LIPC: variants seen among roughly 807,000 people sequenced by gnomAD.
LIPC encodes lipase C, hepatic type.
A neutral mutation model predicts 50.7 loss-of-function variants in LIPC; 44 were observed. The observed-to-expected ratio is 0.87, with a 90% CI of 0.68 to 1.11. LIPC has a LOEUF of 1.11. Among genes scored for constraint, LIPC ranks in the 50% most tolerant of loss-of-function variants. LIPC has a pLI of 0.00. For synonymous variants in LIPC, 271 were observed against 256.4 expected, an observed-to-expected ratio of 1.06 and a Z score of -0.54; for missense variants, 697 against 648.2, an observed-to-expected ratio of 1.08 and a Z score of -0.82.
At chr15:58,535,912 G>A (rs1893101667) in intron 1 of LIPC, among the ~76,000 whole-genome samples, 1 of 152,220 alleles carries the variant, frequency 6.6e-6, no homozygotes, top group African/African-American at 2.4e-5. Context: ...TAGGTCCAAT[G>A]TATAAATGGC....
At chr15:58,534,618 T>G (rs1224813168) in intron 1 of LIPC, among the ~76,000 whole-genome samples, 1 of 152,152 alleles carries the variant, frequency 6.6e-6, no homozygotes, top group Non-Finnish European at 1.5e-5. Flanking sequence ...GTAACCTCCT[T>G]TTTCAATAAC....
chr15:58,518,813 G>GT (rs568973136), intron 1 of LIPC, among the ~76,000 whole-genome samples: 103 of 152,156 alleles, frequency 6.8e-4, no homozygotes, highest in Admixed American at 1.8e-3. Context: ...TGCTGGTGGT[G>GT]TTGCCTGGAG....
chr15:58,552,245 A>G (rs1386445668), intron 6 of LIPC, among the ~76,000 whole-genome samples: 1 of 152,170 alleles, frequency 6.6e-6, no homozygotes, highest in African/African-American at 2.4e-5. Flanking sequence ...CTCATTTCCC[A>G]TTTGATCCTC....
chr15:58,503,416 G>C (rs565137408), intron 1 of LIPC, among the ~76,000 whole-genome samples: 1 of 152,230 alleles, frequency 6.6e-6, no homozygotes, highest in Non-Finnish European at 1.5e-5. Flanking sequence ...AAGGCTTTAG[G>C]GGCAGCGCCA....
intron 1 of LIPC, among the ~76,000 whole-genome samples, chr15:58,531,236 CA>C (rs1349440303): frequency 6.6e-6 from 1 of 152,148 alleles, no homozygotes; most frequent in Non-Finnish European, 1.5e-5. Flanking sequence ...ATGTTAAGCA[CA>C]TTTTCTTGTA....
chr15:58,506,452 C>G (rs146403484), intron 1 of LIPC, among the ~76,000 whole-genome samples: 20 of 152,312 alleles, frequency 1.3e-4, no homozygotes, highest in Admixed American at 1.2e-3. Flanking sequence ...AGGAGAGAGG[C>G]CTTTGACCAG....
In LIPC at chr15:58,560,840, TTCTCTCTCTG is replaced by T; in HGVS notation, c.1052-14_1052-5del. On this transcript the variant is annotated splice_polypyrimidine_tract_variant and intron_variant, in intron 6 of 8. Coordinates refer to ENST00000299022, the MANE Select transcript of LIPC (RefSeq NM_000236.3). The stretch of plus-strand genomic sequence containing the variant: ...ATCACTGCTTAAATTATCTCTCTCT[TTCTCTCTCTG>T]TCTCTCTCTCTAGTTTATCATTACC... The T allele has an allele frequency of 3.3e-6, 3 of 907,696 alleles. No individual in the cohort carries two copies. The highest frequency in any genetic ancestry group is 5.6e-6 in the Non-Finnish European group (3 of 534,946). The allele number at this position is 907,696 out of a possible 1,614,324, so 56.2% of individuals were successfully genotyped here.
intron 1 of LIPC, among the ~76,000 whole-genome samples, chr15:58,465,923 G>A (rs1894546806): frequency 6.6e-6 from 1 of 152,152 alleles, no homozygotes; most frequent in African/African-American, 2.4e-5. Context: ...ACAGGGCAGA[G>A]GAATTAGATC....
chr15:58,498,206 A>G (rs1274552698), intron 1 of LIPC, among the ~76,000 whole-genome samples: 2 of 152,156 alleles, frequency 1.3e-5, no homozygotes, highest in Non-Finnish European at 2.9e-5. Flanking sequence ...AAAAGCCAAT[A>G]GTCTCCCCTA....
intron 1 of LIPC, among the ~76,000 whole-genome samples, chr15:58,515,504 T>C (rs942279340): frequency 3.4e-5 from 5 of 146,184 alleles, no homozygotes; most frequent in Non-Finnish European, 7.4e-5. Flanking sequence ...ATTAGTGTGA[T>C]ATAAAAGAGG....
chr15:58,561,563 C>T (rs1293633338), intron 7 of LIPC, among the ~76,000 whole-genome samples: 3 of 152,196 alleles, frequency 2.0e-5, no homozygotes, highest in African/African-American at 7.2e-5. Flanking sequence ...TTAGTTCATT[C>T]TCTCCCAGAT....
intron 1 of LIPC, chr15:58,436,477 T>C (rs1893301006): frequency 1.5e-5 from 4 of 262,322 alleles, no homozygotes; most frequent in Non-Finnish European, 2.3e-5. Flanking sequence ...ATCTTAAAGT[T>C]AAAATGTATT....
intron 1 of LIPC, among the ~76,000 whole-genome samples, chr15:58,499,652 T>C (rs1315573578): frequency 1.3e-5 from 2 of 152,118 alleles, no homozygotes; most frequent in African/African-American, 2.4e-5. Context: ...TAGGAACTGG[T>C]CCCTGTGTCT....
At chr15:58,446,951 C>T (rs1307798233) in intron 1 of LIPC, among the ~76,000 whole-genome samples, 1 of 151,916 alleles carries the variant, frequency 6.6e-6, no homozygotes, top group Non-Finnish European at 1.5e-5. Context: ...AGTTGGAGAC[C>T]AGCCTGGCCA....
At chr15:58,527,660 C>T (rs1159510868) in intron 1 of LIPC, among the ~76,000 whole-genome samples, 1 of 152,212 alleles carries the variant, frequency 6.6e-6, no homozygotes, top group East Asian at 1.9e-4. Context: ...TATTTACTTG[C>T]CTCTACCATA....
chr15:58,542,531 C>T lies in LIPC; in HGVS notation c.457-3C>T. On this transcript the variant is annotated splice_polypyrimidine_tract_variant and splice_region_variant and intron_variant, in intron 3 of 8. Transcript: ENST00000299022. ...CTGCCCCCATCCCGCTGCTGTCTTC[C>T]AGGAATCTGTGCAACTCTCTCGAAG... 6.3e-7 allele frequency: 1 copy of T among 1,597,474 alleles called. No homozygotes were observed. Among genetic ancestry groups the T allele is most frequent in the Non-Finnish European group, 8.6e-7 (1 of 1,164,844 alleles).
chr15:58,481,778 A>G (rs1182288808), intron 1 of LIPC, among the ~76,000 whole-genome samples: 1 of 152,250 alleles, frequency 6.6e-6, no homozygotes, highest in Admixed American at 6.5e-5. Flanking sequence ...CAGCCTGGCC[A>G]GCAGAGCGAG....
At chr15:58,562,218 C>A (rs8030893) in intron 7 of LIPC, among the ~76,000 whole-genome samples, 3 of 151,922 alleles carry the variant, frequency 2.0e-5, no homozygotes, top group African/African-American at 7.3e-5. Context: ...CGAACCCTCA[C>A]GTCCCTCCTC....
rs777496353 is a variant in LIPC at position 58,548,479 on chromosome 15, C to T, written c.958C>T (p.Arg320Cys). 17 of 1,610,822 alleles carry T rather than the reference C, an allele frequency of 1.1e-5. No homozygotes were observed. Among genetic ancestry groups the T allele is most frequent in the East Asian group, 8.9e-5 (4 of 44,860 alleles). Residue 320 changes from arginine to cysteine, a missense_variant, in exon 6 of 9, where the codon CGC becomes TGC. Arg to Cys is a radical substitution (Grantham distance 180). Coordinates refer to ENST00000299022, the MANE Select transcript of LIPC (RefSeq NM_000236.3). Reference protein sequence around the residue: ...QGLCLSCKKGRCNTLGYHVRQ... With the variant: ...QGLCLSCKKGCCNTLGYHVRQ... Reference sequence around the variant, plus strand: ...CCTGTGCCTGAGCTGCAAGAAGGGCCGCTGCAACACGCTGGGCTACCACGT... The same window carrying T: ...CCTGTGCCTGAGCTGCAAGAAGGGCTGCTGCAACACGCTGGGCTACCACGT...
Sources: allele counts gnomAD v4.1 joint callset (sites outside exome capture counted in the v4.1 genomes callset), GRCh38; gene constraint gnomAD v4.1.1; transcripts MANE v1.5; gene names NCBI Gene and HGNC (gene_info 2026-07-23, HGNC 2026-07-21).